Variants in KATNAL2 observed in about 807,000 individuals in gnomAD.
The protein encoded by KATNAL2 is katanin p60 ATPase-containing subunit A-like 2.
In KATNAL2, 52 loss-of-function variants were observed where a neutral mutation model predicts 76.3. That is an observed-to-expected ratio of 0.68 (90% CI 0.55 to 0.86). The LOEUF (loss-of-function observed/expected upper bound fraction) is 0.86. KATNAL2 is among the 40% of genes least tolerant of loss of function. KATNAL2 has a pLI of 0.00. For missense variants in KATNAL2, 660 were observed against 668.9 expected (o/e 0.99, Z 0.15); for synonymous variants, 243 against 244.2 (o/e 1.00, Z 0.05).
At chr18:46,921,182 C>T (rs1434354849) in intron 1 of KATNAL2, among the ~76,000 whole-genome samples, 1 of 152,198 alleles carries the variant, frequency 6.6e-6, no homozygotes, top group Non-Finnish European at 1.5e-5. Flanking sequence ...GTCTGGAGTG[C>T]AGTGGCACGA....
At chr18:46,920,569 C>A (rs913513748) in intron 1 of KATNAL2, among the ~76,000 whole-genome samples, 4 of 152,128 alleles carry the variant, frequency 2.6e-5, no homozygotes, top group Admixed American at 6.5e-5. Context: ...CTATTAGTTG[C>A]AATAGAAAGA....
At chr18:46,918,692 G>A (rs1237120864) in intron 1 of KATNAL2, among the ~76,000 whole-genome samples, 1 of 152,144 alleles carries the variant, frequency 6.6e-6, no homozygotes, top group East Asian at 1.9e-4. Flanking sequence ...AAAGTACTGA[G>A]ATTACAGGCG....
chr18:47,098,237 G>T (rs1394787211), intron 15 of KATNAL2: 1 of 399,408 alleles, frequency 2.5e-6, no homozygotes, highest in Non-Finnish European at 4.9e-6. Flanking sequence ...AAAAAAAAGT[G>T]TACTAGTCCA....
intron 3 of KATNAL2, among the ~76,000 whole-genome samples, chr18:46,956,725 T>TA (rs1401168172): frequency 6.6e-6 from 1 of 152,132 alleles, no homozygotes; most frequent in Admixed American, 6.5e-5. Flanking sequence ...GTGTGCACAT[T>TA]AAACACCTGG....
At chr18:46,937,609 A>G (rs2059131347) in intron 1 of KATNAL2, among the ~76,000 whole-genome samples, 1 of 152,176 alleles carries the variant, frequency 6.6e-6, no homozygotes, top group African/African-American at 2.4e-5. Flanking sequence ...CCAATGTAAC[A>G]CACAAATTTT....
chr18:47,087,681 T>A (rs766187690), intron 15 of KATNAL2, among the ~76,000 whole-genome samples: 1 of 151,832 alleles, frequency 6.6e-6, no homozygotes, highest in Non-Finnish European at 1.5e-5. Flanking sequence ...AAATAAAAGT[T>A]TAAAAAAGTG....
chr18:47,033,296 T>C, intron 3 of KATNAL2: 1 of 1,613,612 alleles, frequency 6.2e-7, no homozygotes, highest in Non-Finnish European at 8.5e-7. Flanking sequence ...TTCTCTTGCC[T>C]CCTTGAAGTA....
At chr18:47,079,615 T>C (rs1196938830) in intron 15 of KATNAL2, among the ~76,000 whole-genome samples, 2 of 152,100 alleles carry the variant, frequency 1.3e-5, no homozygotes, top group Non-Finnish European at 2.9e-5. Flanking sequence ...CAGACTAGTC[T>C]TGAACTCCTG....
At chr18:47,066,875 ATATATATATATATATAT>A (rs1167103012) in intron 10 of KATNAL2, 129 bp from the exon 11 acceptor site, 1 of 91,798 alleles carries the variant, frequency 1.1e-5, no homozygotes, top group East Asian at 3.7e-4. Flanking sequence ...ATATATATAT[ATATATATATATATATAT>A]AATATGAACA....
intron 1 of KATNAL2, among the ~76,000 whole-genome samples, chr18:46,935,255 A>C (rs1168387877): frequency 2.0e-5 from 3 of 152,196 alleles, no homozygotes; most frequent in Non-Finnish European, 4.4e-5. Flanking sequence ...ATTACTAACC[A>C]GAACACATGC....
At chr18:47,076,068 G>C (rs1267229252) in intron 14 of KATNAL2, 1 of 151,926 alleles carries the variant, frequency 6.6e-6, no homozygotes, top group Non-Finnish European at 1.5e-5. Flanking sequence ...ACTAAATCTG[G>C]CACCCCTGGC....
At chr18:47,043,628 T>C (rs2061048955) in intron 3 of KATNAL2, among the ~76,000 whole-genome samples, 1 of 152,130 alleles carries the variant, frequency 6.6e-6, no homozygotes, top group African/African-American at 2.4e-5. Flanking sequence ...TTGCAGGTCT[T>C]AGAGTCAGTC....
intron 1 of KATNAL2, among the ~76,000 whole-genome samples, chr18:46,932,818 G>A (rs1216768434): frequency 6.6e-6 from 1 of 152,016 alleles, no homozygotes; most frequent in East Asian, 2.0e-4. Context: ...AGACTGGAGT[G>A]CAATGGTGCG....
chr18:47,054,345 T>G (rs2061414214), intron 5 of KATNAL2, 51 bp from the exon 6 acceptor site: 1 of 1,516,310 alleles, frequency 6.6e-7, no homozygotes, highest in South Asian at 1.1e-5. Flanking sequence ...AAAATCACTT[T>G]GTCACTCTTA....
chr18:47,067,143 G>A, intron 11 of KATNAL2, 24 bp downstream of exon 11: 1 of 1,248,604 alleles, frequency 8.0e-7, no homozygotes, highest in Non-Finnish European at 1.1e-6. Flanking sequence ...GCCTCTTGGG[G>A]GTTATTTCTG....
Position 47,069,506 on chromosome 18 carries a change from A to G in KATNAL2, c.914A>G (p.Lys305Arg). ...PPGTGKTLLA[K>R]AVATECKTTF... ...GGTACAGGAAAGACTTTACTGGCCA[A>G]AGCTGTGGCCACTGAATGTAAAACA... Residue 305 changes from lysine to arginine, a missense_variant, in exon 13 of 18, where the codon AAA becomes AGA. Physicochemically the swap from Lys to Arg is conservative, Grantham distance 26 (BLOSUM62 2). Transcript: ENST00000683218. The G allele has an allele frequency of 6.2e-7, 1 of 1,613,552 alleles. No homozygotes were observed. The highest frequency in any genetic ancestry group is 8.5e-7 in the Non-Finnish European group (1 of 1,179,544).
At chr18:47,031,516 T>G (rs1174192211) in intron 3 of KATNAL2, among the ~76,000 whole-genome samples, 1 of 152,116 alleles carries the variant, frequency 6.6e-6, no homozygotes, top group African/African-American at 2.4e-5. Flanking sequence ...GATTCGGGTG[T>G]TAAGCCTTTT....
At chr18:47,063,246 C>G (rs781215821) in intron 9 of KATNAL2, 38 bp from the exon 10 acceptor site, 3 of 1,592,764 alleles carry the variant, frequency 1.9e-6, no homozygotes, top group Non-Finnish European at 2.6e-6. Flanking sequence ...AATTATGAAG[C>G]AATATTGTAA....
intron 15 of KATNAL2, among the ~76,000 whole-genome samples, chr18:47,089,055 G>A (rs2062892623): frequency 6.6e-6 from 1 of 152,062 alleles, no homozygotes; most frequent in Admixed American, 6.6e-5. Flanking sequence ...TTATGTGGTG[G>A]GCCTTGACGC....
Sources: gnomAD v4.1 joint callset for allele counts (sites outside exome capture counted in the v4.1 genomes callset) on GRCh38, gnomAD v4.1.1 for gene constraint, MANE v1.5 for transcripts, NCBI Gene and HGNC (gene_info 2026-07-23, HGNC 2026-07-21) for gene names.